The following VASH1 variants were observed in gnomAD, a reference collection of about 807,000 sequenced individuals.
VASH1 encodes the protein vasohibin 1, also known as tubulinyl-Tyr carboxypeptidase 1.
In VASH1, 16 loss-of-function variants were observed where a neutral mutation model predicts 35.0. The ratio of observed to expected loss-of-function variants is 0.46; its 90% CI spans 0.31 to 0.70. The LOEUF (loss-of-function observed/expected upper bound fraction) is 0.70. Ranked by LOEUF, VASH1 falls within the 30% of genes least tolerant of loss-of-function variation. The pLI is 0.05. For missense variants in VASH1, 505 were observed against 510.7 expected, an observed-to-expected ratio of 0.99 and a Z score of 0.11; for synonymous variants, 214 against 200.9, an observed-to-expected ratio of 1.07 and a Z score of -0.55.
At position 76,779,894 on chromosome 14, in the gene VASH1, G is replaced by A; in HGVS notation, c.*876G>A. 1 of 277,228 alleles carries A rather than the reference G, an allele frequency of 3.6e-6. No individual in the cohort carries two copies. 17.2% of individuals were successfully genotyped at this position (277,228 alleles called of 1,614,324 possible). On this transcript the variant is annotated 3_prime_UTR_variant, in exon 7 of 7. Transcript: ENST00000167106. ...GGTGCCAGTCCAGGAGCTGTGGCTGGACATGGGGTGATGGGGCGGGATGCT... is the reference window on the plus strand; with the variant it reads ...GGTGCCAGTCCAGGAGCTGTGGCTGAACATGGGGTGATGGGGCGGGATGCT...
chr14:76,779,134 A>T lies in VASH1; in HGVS notation c.*116A>T. 1 of 1,159,680 alleles carries T rather than the reference A, an allele frequency of 8.6e-7. No individual in the cohort carries two copies. The highest frequency in any genetic ancestry group is 1.3e-6 in the Non-Finnish European group (1 of 783,564). 71.8% of individuals were successfully genotyped at this position (1,159,680 alleles called of 1,614,324 possible). On this transcript the variant is annotated 3_prime_UTR_variant, in exon 7 of 7. Coordinates refer to ENST00000167106, the MANE Select transcript of VASH1 (RefSeq NM_014909.5). ...GTGACAAGGCAGGGCAAGAGGCTGC[A>T]GGAAGAGTGTGTTCCAGCTCAGCCC...
In VASH1 at chr14:76,771,251, G is replaced by GT; in HGVS notation, c.455+6dup. On this transcript the variant is annotated splice_donor_region_variant and intron_variant, in intron 3 of 6. Transcript: ENST00000167106. ...GAAGAGCAGACCTCTGACAGGGTAA[G>GT]TATGGGGAGGCCAGTCCTCTGCCCC... The GT allele has an allele frequency of 1.3e-6, 2 of 1,599,456 alleles. No individual in the cohort carries two copies. The highest frequency in any genetic ancestry group is 1.7e-6 in the Non-Finnish European group (2 of 1,172,940).
intron 4 of VASH1, 198 bp downstream of exon 4, chr14:76,773,409 C>T: frequency 1.7e-6 from 1 of 580,912 alleles, no homozygotes. Flanking sequence ...GTCCCAGTAC[C>T]CCACATCTCA....
Position 76,769,424 on chromosome 14 carries a change from G to A in VASH1, c.310-539G>A, listed in dbSNP as rs943508969. The A allele has an allele frequency of 7.0e-6, 9 of 1,289,040 alleles. No individual in the cohort carries two copies. The Admixed American group carries it at 1.6e-4, about 23-fold the overall frequency. 79.9% of individuals were successfully genotyped at this position (1,289,040 alleles called of 1,614,324 possible). On this transcript the variant is annotated intron_variant, in intron 1 of 6. Transcript: ENST00000167106. ...GCTACCGCTGACTGACTCCTTGACA[G>A]TTCAAGTTGGTGCTCTGGAAGGCAT...
intron 4 of VASH1, chr14:76,773,838 A>T (rs1291074269): frequency 6.6e-6 from 1 of 152,386 alleles, no homozygotes; most frequent in Non-Finnish European, 1.5e-5. Context: ...TAACTGGTCA[A>T]TGCCTGAGCC....
rs1221271711 is a variant in VASH1, at chr14:76,776,181, G to A, written c.820G>A (p.Glu274Lys). 1 of 1,610,850 alleles carries A rather than the reference G, an allele frequency of 6.2e-7. No homozygotes were observed. The highest frequency in any genetic ancestry group is 8.5e-7 in the Non-Finnish European group (1 of 1,179,776). The change falls in exon 5 of 7, where the codon GAG becomes AAG. Residue 274 changes from glutamate to lysine, a missense_variant. Coordinates refer to ENST00000167106, the MANE Select transcript of VASH1 (RefSeq NM_014909.5). ...SHDPHSVEQI[E>K]WKHSVLDVER... is the part of the protein sequence containing the mutation. ...CGACCCGCACAGCGTGGAGCAGATC[G>A]AGTGGAAGCACTCGGTGCTGGACGT... is the stretch of plus-strand genomic sequence containing the variant.
In VASH1 at chr14:76,762,185, C is replaced by T. The variant is rs1893521411; in HGVS notation, c.-637C>T. On this transcript the variant is annotated 5_prime_UTR_variant, in exon 1 of 7. Coordinates refer to ENST00000167106, the MANE Select transcript of VASH1 (RefSeq NM_014909.5). ...ATGTGCGCGTCGGCGCGCGCCCCCT[C>T]CCCGCTCCCGGCCAGCTGCGAGTCT... 1.3e-5 allele frequency: 2 copies of T among 152,236 alleles called. No homozygotes were observed. Among genetic ancestry groups the T allele is most frequent in the African/African-American group, 4.8e-5 (2 of 41,456 alleles). The allele number at this position is 152,236 out of a possible 1,614,324, so 9.4% of individuals were successfully genotyped here. A position where few individuals can be genotyped will look rare whatever the true frequency, so the allele number is the denominator to read the frequency against.
rs1595277162 is a variant in VASH1 at position 76,775,912 on chromosome 14, C to T, written c.551C>T (p.Pro184Leu). The change falls in exon 5 of 7, where the codon CCC (proline) becomes CTC (leucine). Residue 184 changes from proline to leucine, a missense_variant. Transcript: ENST00000167106. ...GCCAGTTACCTCACCAACAGCATGC[C>T]CACCCTGGAGCGCTTCCCCATCAGC... ...ILGIYLTNSM[P>L]TLERFPISFK... 1.9e-6 allele frequency: 3 copies of T among 1,590,398 alleles called. No homozygotes were observed. The East Asian group carries it at 6.8e-5, about 36-fold the overall frequency.
At chr14:76,776,430 G>A (rs976040080) in intron 5 of VASH1, among the ~76,000 whole-genome samples, 157 bp downstream of exon 5, 13 of 152,190 alleles carry the variant, frequency 8.5e-5, no homozygotes, top group Admixed American at 3.3e-4. Flanking sequence ...CCCCTGGGGT[G>A]GGCAGACCAG....
At position 76,761,877 on chromosome 14, in the gene VASH1, A is replaced by G. The variant is rs1394619357; in HGVS notation, c.-945A>G. On this transcript the variant is annotated 5_prime_UTR_variant, in exon 1 of 7. Coordinates refer to ENST00000167106, the MANE Select transcript of VASH1 (RefSeq NM_014909.5). ...ACCCCGCGGCCGCAGCCCGCCGCTC[A>G]GTGACCTCAGCCTGGCCCCTGCGCG... 1.3e-5 allele frequency among the ~76,000 whole-genome samples: 2 copies of G among 151,554 alleles called. No homozygotes were observed. Among genetic ancestry groups the G allele is most frequent in the African/African-American group, 4.8e-5 (2 of 41,342 alleles).
Position 76,762,937 on chromosome 14 carries a change from C to A in VASH1, c.116C>A (p.Ala39Asp). ...RRLETSEGTS[A>D]QRDEEPEEEG... ...TTGGAGACCAGCGAAGGAACCTCAG[C>A]CCAGAGAGATGAGGAGCCAGAAGAG... The change falls in exon 1 of 7, where the codon GCC becomes GAC. Residue 39 changes from alanine (A) to aspartate (D), a missense_variant. Transcript: ENST00000167106. 1 of 1,571,306 alleles carries A rather than the reference C, an allele frequency of 6.4e-7. No individual in the cohort carries two copies. Among genetic ancestry groups the A allele is most frequent in the South Asian group, 1.2e-5 (1 of 84,564 alleles).
chr14:76,762,364 A>AT lies in VASH1; in HGVS notation c.-454dup, dbSNP rs1192894714. On this transcript the variant is annotated 5_prime_UTR_variant, in exon 1 of 7. Coordinates refer to ENST00000167106, the MANE Select transcript of VASH1 (RefSeq NM_014909.5). ...TGAGCGTGCGAGAGTTGTGTAGGGG[A>AT]TTTTGTTCCCTCCGAAACTGAGACC... The AT allele has an allele frequency of 6.5e-6, 1 of 153,018 alleles. No homozygotes were observed. The highest frequency in any genetic ancestry group is 1.5e-5 in the Non-Finnish European group (1 of 68,802). 9.5% of individuals were successfully genotyped at this position (153,018 alleles called of 1,614,324 possible).
At chr14:76,776,374 C>T (rs1893945141) in intron 5 of VASH1, 101 bp downstream of exon 5, 8 of 1,398,424 alleles carry the variant, frequency 5.7e-6, no homozygotes, top group Non-Finnish European at 2.8e-6. Flanking sequence ...TCTCAGGGGA[C>T]TGGGGTGCTG....
rs966616519 is a variant in VASH1, at chr14:76,764,264, G to T, written c.309+1134G>T. 1.2e-4 allele frequency among the ~76,000 whole-genome samples: 19 copies of T among 152,346 alleles called. No individual in the cohort carries two copies. The East Asian group carries it at 3.3e-3, about 26-fold the overall frequency. On this transcript the variant is annotated intron_variant, in intron 1 of 6. Transcript: ENST00000167106. ...TCTGGGAAAAAGAGAATCAAAGGTT[G>T]AAGGTTTAAATACTGCCTAATGTTT...
At chr14:76,776,449 C>T (rs1386240821) in intron 5 of VASH1, among the ~76,000 whole-genome samples, 176 bp downstream of exon 5, 1 of 151,444 alleles carries the variant, frequency 6.6e-6, no homozygotes. Flanking sequence ...AGGACGGCTG[C>T]GGAGGGAGGA....
chr14:76,765,834 A>C (rs8022208), intron 1 of VASH1, among the ~76,000 whole-genome samples: 68,760 of 151,908 alleles, frequency 0.45, 16,592 homozygotes, highest in Middle Eastern at 0.62. Flanking sequence ...CCACTCACCT[A>C]CCAGGCCTGC....
chr14:76,775,541 G>A (rs924777408), intron 4 of VASH1, among the ~76,000 whole-genome samples: 7 of 152,150 alleles, frequency 4.6e-5, no homozygotes, highest in Non-Finnish European at 1.0e-4. Context: ...GATGGAGGGC[G>A]AGGGAGTGAG....
intron 1 of VASH1, among the ~76,000 whole-genome samples, chr14:76,767,244 C>CAGTAAATAAATA (rs139752180): frequency 1.5e-5 from 2 of 136,222 alleles, no homozygotes; most frequent in African/African-American, 5.5e-5. Flanking sequence ...AACTCTGTCT[C>CAGTAAATAAATA]AATAAATAAA....
chr14:76,764,424 A>G (rs943384712), intron 1 of VASH1, among the ~76,000 whole-genome samples: 1 of 152,210 alleles, frequency 6.6e-6, no homozygotes, highest in African/African-American at 2.4e-5. Flanking sequence ...TACTATGGTG[A>G]ACATTCTAAA....
Sources: gnomAD v4.1 joint callset for allele counts (sites outside exome capture counted in the v4.1 genomes callset) on GRCh38, gnomAD v4.1.1 for gene constraint, MANE v1.5 for transcripts, NCBI Gene and HGNC (gene_info 2026-07-23, HGNC 2026-07-21) for gene names.